The following SMAP1 variants were observed in gnomAD, a reference collection of about 807,000 sequenced individuals.
SMAP1 encodes the protein small ArfGAP 1, also known as stromal membrane-associated protein 1.
In SMAP1, 24 loss-of-function variants were observed where a neutral mutation model predicts 58.5. The observed-to-expected ratio is 0.41, with a 90% CI of 0.30 to 0.58. The LOEUF is 0.58. SMAP1 is among the 20% of genes least tolerant of loss of function. SMAP1 has a pLI of 0.29. For synonymous variants in SMAP1, 216 were observed against 196.6 expected, an observed-to-expected ratio of 1.10 and a Z score of -0.82; for missense variants, 563 against 566.3, an observed-to-expected ratio of 0.99 and a Z score of 0.06.
At chr6:70,768,641 T>C (rs926871833) in intron 3 of SMAP1, among the ~76,000 whole-genome samples, 1 of 152,236 alleles carries the variant, frequency 6.6e-6, no homozygotes, top group African/African-American at 2.4e-5. Flanking sequence ...TCTTCTCTCT[T>C]TTCTTGTTTA....
intron 3 of SMAP1, among the ~76,000 whole-genome samples, chr6:70,758,577 A>G (rs189905534): frequency 3.1e-4 from 47 of 152,204 alleles, no homozygotes; most frequent in Admixed American, 3.0e-3. Context: ...AGCAGGAGAA[A>G]CATTAGAAAC....
At chr6:70,814,591 G>C (rs1016034729) in intron 6 of SMAP1, among the ~76,000 whole-genome samples, 1 of 151,904 alleles carries the variant, frequency 6.6e-6, no homozygotes, top group African/African-American at 2.4e-5. Flanking sequence ...GTTTCCTTTC[G>C]TCTGAATTTA....
chr6:70,798,753 T>A lies in SMAP1; in HGVS notation c.576+16T>A, dbSNP rs745654942. 1.1e-5 allele frequency: 17 copies of A among 1,528,810 alleles called. No homozygotes were observed. The highest frequency in any genetic ancestry group is 6.1e-5 in the Admixed American group (3 of 48,790). The allele number at this position is 1,528,810 out of a possible 1,614,324, so 94.7% of individuals were successfully genotyped here. A position where few individuals can be genotyped will look rare whatever the true frequency, so the allele number is the denominator to read the frequency against. On this transcript the variant is annotated intron_variant, in intron 6 of 10. Transcript: ENST00000370455. ...AGCTGAAAAGGTAAAATTCTTTTTT[T>A]AAAAATAATCTATTAGGATTACCAT... is the stretch of plus-strand genomic sequence containing the variant.
rs187577708 is a variant in SMAP1, at chr6:70,759,141, G to A, written c.338+4076G>A. 2.0e-3 allele frequency among the ~76,000 whole-genome samples: 307 copies of A among 152,108 alleles called. 2 individuals carry two copies. The highest frequency in any genetic ancestry group is 7.7e-4 in the East Asian group (4 of 5,172). On this transcript the variant is annotated intron_variant, in intron 3 of 10. Coordinates refer to ENST00000370455, the MANE Select transcript of SMAP1 (RefSeq NM_001044305.3). ...ATCCTGAGAATTCTTTTCCTTCTCT[G>A]GAAAAGGAAAGCCTGTGGCTGAATC...
At chr6:70,840,166 G>A (rs1479740187) in intron 7 of SMAP1, among the ~76,000 whole-genome samples, 1 of 152,170 alleles carries the variant, frequency 6.6e-6, no homozygotes, top group Non-Finnish European at 1.5e-5. Flanking sequence ...AATATAGAGA[G>A]AACTTGTATA....
At chr6:70,854,280 T>C (rs986519412) in intron 8 of SMAP1, among the ~76,000 whole-genome samples, 1 of 152,206 alleles carries the variant, frequency 6.6e-6, no homozygotes, top group African/African-American at 2.4e-5. Flanking sequence ...GTAAAATATT[T>C]GGTGAACAGT....
At chr6:70,734,182 A>G (rs6936643) in intron 2 of SMAP1, among the ~76,000 whole-genome samples, 150,472 of 152,128 alleles carry the variant, frequency 0.99, 74,421 homozygotes, top group East Asian at 1. Context: ...CACTCATGCT[A>G]TTGCTCAGGC....
At chr6:70,701,695 C>G (rs1179910641) in intron 1 of SMAP1, among the ~76,000 whole-genome samples, 5 of 152,168 alleles carry the variant, frequency 3.3e-5, no homozygotes, top group Non-Finnish European at 7.3e-5. Context: ...CTTCCCCAAG[C>G]ACACATTCTC....
intron 3 of SMAP1, among the ~76,000 whole-genome samples, chr6:70,762,794 A>G (rs552267349): frequency 6.6e-6 from 1 of 152,294 alleles, no homozygotes; most frequent in Non-Finnish European, 1.5e-5. Context: ...TAAAAAATGT[A>G]TACTTCCTAG....
At chr6:70,760,169 G>A (rs1268100348) in intron 3 of SMAP1, among the ~76,000 whole-genome samples, 1 of 151,992 alleles carries the variant, frequency 6.6e-6, no homozygotes, top group Non-Finnish European at 1.5e-5. Flanking sequence ...TGGCACTCTT[G>A]GCAGCTAGAT....
intron 4 of SMAP1, among the ~76,000 whole-genome samples, chr6:70,787,810 G>T (rs1768130539): frequency 6.6e-6 from 1 of 151,740 alleles, no homozygotes; most frequent in South Asian, 2.1e-4. Context: ...ACAGGTGCTG[G>T]AGAGGATGTG....
Position 70,860,984 on chromosome 6 carries a change from T to C in SMAP1, c.*650T>C, listed in dbSNP as rs1372864677. ...AATTTGGATCTCTTCTTAATGTACA[T>C]AGTGCTAACATGAAGACCTTTTTCT... On this transcript the variant is annotated 3_prime_UTR_variant, in exon 11 of 11. Coordinates refer to ENST00000370455, the MANE Select transcript of SMAP1 (RefSeq NM_001044305.3). The C allele has an allele frequency of 2.2e-5, 7 of 324,578 alleles. No homozygotes were observed. Among genetic ancestry groups the C allele is most frequent in the African/African-American group, 1.3e-4 (6 of 47,236 alleles). 20.1% of individuals were successfully genotyped at this position (324,578 alleles called of 1,614,324 possible). A position where few individuals can be genotyped will look rare whatever the true frequency, so the allele number is the denominator to read the frequency against.
At position 70,684,249 on chromosome 6, in the gene SMAP1, G is replaced by A. The variant is rs118170463; in HGVS notation, c.118+16108G>A. ...ATCTCTATATAAATCTGTAAATAGC[G>A]TGGAAATAAGAGGTATTTGTAAATA... On this transcript the variant is annotated intron_variant, in intron 1 of 10. Coordinates refer to ENST00000370455, the MANE Select transcript of SMAP1 (RefSeq NM_001044305.3). 2.6e-4 allele frequency among the ~76,000 whole-genome samples: 40 copies of A among 152,282 alleles called. No individual in the cohort carries two copies. The East Asian group carries it at 4.6e-3, about 18-fold the overall frequency.
intron 6 of SMAP1, among the ~76,000 whole-genome samples, chr6:70,802,375 T>C (rs1768901167): frequency 1.3e-5 from 2 of 152,236 alleles, no homozygotes; most frequent in Admixed American, 1.3e-4. Context: ...GAAACTTTGC[T>C]GAAGTTGCTT....
At chr6:70,765,767 TAA>T (rs1766948556) in intron 3 of SMAP1, among the ~76,000 whole-genome samples, 1 of 152,174 alleles carries the variant, frequency 6.6e-6, no homozygotes, top group African/African-American at 2.4e-5. Context: ...TATTTTACTT[TAA>T]GTTTTAGGGC....
chr6:70,669,826 CT>C (rs1766190898), intron 1 of SMAP1, among the ~76,000 whole-genome samples: 1 of 152,140 alleles, frequency 6.6e-6, no homozygotes, highest in Non-Finnish European at 1.5e-5. Flanking sequence ...CATCTACAGA[CT>C]TTATTAAAAA....
At position 70,860,245 on chromosome 6, in the gene SMAP1, A is replaced by G. The variant is rs952570546; in HGVS notation, c.1315A>G (p.Thr439Ala). The G allele has an allele frequency of 1.9e-6, 3 of 1,613,380 alleles. No individual in the cohort carries two copies. The highest frequency in any genetic ancestry group is 2.7e-5 in the African/African-American group (2 of 74,862). ...AGMSISSATP[T>A]AGFGQPSSTT... Reference sequence around the variant, plus strand: ...CATGAGTATCAGTAGTGCAACCCCTACTGCAGGTTTTGGCCAGCCCTCCAG... The same window carrying G: ...CATGAGTATCAGTAGTGCAACCCCTGCTGCAGGTTTTGGCCAGCCCTCCAG... Residue 439 changes from threonine (T) to alanine (A), a missense_variant, in exon 11 of 11, where the codon ACT becomes GCT. Coordinates refer to ENST00000370455, the MANE Select transcript of SMAP1 (RefSeq NM_001044305.3).
At chr6:70,751,076 C>G (rs187367762) in intron 2 of SMAP1, among the ~76,000 whole-genome samples, 4 of 152,148 alleles carry the variant, frequency 2.6e-5, no homozygotes, top group Admixed American at 6.5e-5. Flanking sequence ...CTCGTCTCTA[C>G]TAAGAATATA....
intron 7 of SMAP1, among the ~76,000 whole-genome samples, chr6:70,840,482 G>A (rs1283814982): frequency 6.6e-6 from 1 of 152,080 alleles, no homozygotes; most frequent in African/African-American, 2.4e-5. Context: ...TTTTGGCTTT[G>A]CAGGCCTTAT....
Sources: gnomAD v4.1 joint callset for allele counts (sites outside exome capture counted in the v4.1 genomes callset) on GRCh38, gnomAD v4.1.1 for gene constraint, MANE v1.5 for transcripts, NCBI Gene and HGNC (gene_info 2026-07-23, HGNC 2026-07-21) for gene names.